The following TASP1 variants were observed in gnomAD, a reference collection of about 807,000 sequenced individuals.
TASP1 encodes taspase 1.
A neutral mutation model predicts 56.6 loss-of-function variants in TASP1; 16 were observed. The ratio of observed to expected loss-of-function variants is 0.28; its 90% CI spans 0.19 to 0.43. The LOEUF (loss-of-function observed/expected upper bound fraction) is 0.43, where lower values mean the gene tolerates loss of function less well. Ranked by LOEUF, TASP1 falls within the 20% of genes least tolerant of loss-of-function variation. TASP1 has a pLI of 1.00. For missense variants in TASP1, 393 were observed against 511.6 expected, an observed-to-expected ratio of 0.77 and a Z score of 2.24; for synonymous variants, 179 against 184.2, an observed-to-expected ratio of 0.97 and a Z score of 0.23.
At chr20:13,274,059 T>TCGTGTGTG in the TASP1 span, among the ~76,000 whole-genome samples, 4 of 150,714 alleles carry the variant, frequency 2.7e-5, no homozygotes, top group African/African-American at 9.7e-5. Flanking sequence ...TGGCGTGTAA[T>TCGTGTGTG]TGTGTGTGTG....
At chr20:13,498,331 T>TGTGTGTGTG (rs2043808513) in intron 10 of TASP1, among the ~76,000 whole-genome samples, 66 of 135,118 alleles carry the variant, frequency 4.9e-4, no homozygotes, top group Non-Finnish European at 7.5e-4. Flanking sequence ...TTCTTTTCTT[T>TGTGTGTGTG]TGTGTGTGTG....
intron 8 of TASP1, among the ~76,000 whole-genome samples, chr20:13,551,111 T>A (rs948521942): frequency 2.6e-5 from 4 of 152,172 alleles, no homozygotes; most frequent in Non-Finnish European, 5.9e-5. Flanking sequence ...GATGTCCCTA[T>A]GTGGTGGCTA....
At chr20:13,164,420 A>G in the TASP1 span, 1 of 485,680 alleles carries the variant, frequency 2.1e-6, no homozygotes, top group Non-Finnish European at 4.2e-6. Flanking sequence ...TTTTTCTTCC[A>G]CAAGACTACA....
chr20:13,519,963 T>G lies in TASP1; in HGVS notation c.874+8470A>C, dbSNP rs566124905. ...ATCAATGTGCAAAAATCACAAGCAT[T>G]CTTATACACCAATAACAGACAAACA... On this transcript the variant is annotated intron_variant, in intron 10 of 13. Coordinates refer to ENST00000337743, the MANE Select transcript of TASP1 (RefSeq NM_017714.3). Among the ~76,000 whole-genome samples the G allele has an allele frequency of 5.1e-3, 774 of 152,240 alleles. 5 individuals carry two copies. The highest frequency in any genetic ancestry group is 0.015 in the African/African-American group (632 of 41,516).
the TASP1 span, chr20:13,159,880 T>G: frequency 0.023 from 30,389 of 1,312,332 alleles, 498 homozygotes; most frequent in African/African-American, 0.072. Flanking sequence ...CTTCCACTTA[T>G]TATCATAAAA....
intron 2 of TASP1, among the ~76,000 whole-genome samples, chr20:13,629,231 G>A (rs756462786): frequency 1.1e-4 from 16 of 151,868 alleles, no homozygotes; most frequent in Non-Finnish European, 1.8e-4. Context: ...AGACGTGATG[G>A]TGGACGTCTG....
At chr20:13,166,734 G>A in the TASP1 span, 1 of 152,146 alleles carries the variant, frequency 6.6e-6, no homozygotes, top group Non-Finnish European at 1.5e-5. Flanking sequence ...CACAAGGTAT[G>A]GAAAGCAATA....
At chr20:13,286,970 C>A in the TASP1 span, among the ~76,000 whole-genome samples, 1 of 152,226 alleles carries the variant, frequency 6.6e-6, no homozygotes, top group Non-Finnish European at 1.5e-5. Flanking sequence ...TGTCACAGAG[C>A]AGAGGTACTG....
intron 11 of TASP1, among the ~76,000 whole-genome samples, chr20:13,442,613 G>A (rs566505481): frequency 4.1e-4 from 62 of 150,226 alleles, no homozygotes; most frequent in African/African-American, 1.5e-3. Context: ...CCGCCCTCCA[G>A]CCTGGGCAAC....
chr20:13,621,850 C>A (rs1342155927), intron 4 of TASP1, among the ~76,000 whole-genome samples: 26 of 152,248 alleles, frequency 1.7e-4, no homozygotes, highest in African/African-American at 2.4e-5. Flanking sequence ...GTATATTCTC[C>A]AGATACTCAT....
the TASP1 span, among the ~76,000 whole-genome samples, chr20:13,143,231 G>A: frequency 6.6e-6 from 1 of 152,184 alleles, no homozygotes; most frequent in Non-Finnish European, 1.5e-5. Flanking sequence ...CAGTTATGTA[G>A]ACAAGAGGGA....
chr20:13,105,283 A>T, the TASP1 span, among the ~76,000 whole-genome samples: 2 of 151,668 alleles, frequency 1.3e-5, no homozygotes, highest in Admixed American at 1.3e-4. Context: ...AAAAATGGCT[A>T]ATTGATTTTC....
chr20:13,202,188 G>T, the TASP1 span, among the ~76,000 whole-genome samples: 1 of 152,164 alleles, frequency 6.6e-6, no homozygotes, highest in African/African-American at 2.4e-5. Flanking sequence ...GGGGAGCCCT[G>T]ATTGGTAACA....
At chr20:13,543,966 G>A (rs2045715052) in intron 8 of TASP1, among the ~76,000 whole-genome samples, 1 of 152,102 alleles carries the variant, frequency 6.6e-6, no homozygotes, top group Non-Finnish European at 1.5e-5. Flanking sequence ...AAATGAGTTT[G>A]TTCCCAAAAG....
chr20:13,145,699 A>T, the TASP1 span, among the ~76,000 whole-genome samples: 1 of 152,358 alleles, frequency 6.6e-6, no homozygotes, highest in African/African-American at 2.4e-5. Context: ...CTAAGTAAAA[A>T]GAACAAAGCT....
At chr20:13,511,060 C>G (rs998978500) in intron 10 of TASP1, among the ~76,000 whole-genome samples, 1 of 152,080 alleles carries the variant, frequency 6.6e-6, no homozygotes, top group African/African-American at 2.4e-5. Context: ...CATGGGTAAT[C>G]CCATTTTCCT....
chr20:13,449,265 T>TC (rs2043527687), intron 11 of TASP1, among the ~76,000 whole-genome samples: 1 of 152,090 alleles, frequency 6.6e-6, no homozygotes, highest in Admixed American at 6.6e-5. Context: ...TGGGACTGTC[T>TC]CCACCAATCA....
At chr20:13,187,724 C>T in the TASP1 span, among the ~76,000 whole-genome samples, 391 of 100,842 alleles carry the variant, frequency 3.9e-3, 1 homozygote, top group African/African-American at 0.015. Context: ...CAGAGTGAGA[C>T]TCCATCTCAA....
the TASP1 span, among the ~76,000 whole-genome samples, chr20:13,208,781 C>G: frequency 6.6e-6 from 1 of 152,196 alleles, no homozygotes; most frequent in Non-Finnish European, 1.5e-5. Context: ...CCTTGATGAA[C>G]CAGGTCCTGG....
Sources: gnomAD v4.1 joint callset for allele counts (sites outside exome capture counted in the v4.1 genomes callset) on GRCh38, gnomAD v4.1.1 for gene constraint, MANE v1.5 for transcripts, NCBI Gene and HGNC (gene_info 2026-07-23, HGNC 2026-07-21) for gene names.